COP1: variants seen among roughly 807,000 people sequenced by gnomAD.
The protein encoded by COP1 is E3 ubiquitin-protein ligase COP1.
In COP1, 24 loss-of-function variants were observed where a neutral mutation model predicts 101.3. That is an observed-to-expected ratio of 0.24 (90% CI 0.17 to 0.33). The LOEUF (loss-of-function observed/expected upper bound fraction) is 0.33. Ranked by LOEUF, COP1 falls within the 10% of genes least tolerant of loss-of-function variation. The pLI, the probability that COP1 is intolerant of heterozygous loss-of-function variation, is 1.00. For missense variants in COP1, 663 were observed against 906.2 expected (o/e 0.73, Z 3.45); for synonymous variants, 347 against 341.9 (o/e 1.01, Z -0.17).
chr1:175,975,279 C>T (rs1477683926), intron 18 of COP1, among the ~76,000 whole-genome samples: 2 of 152,120 alleles, frequency 1.3e-5, no homozygotes, highest in Non-Finnish European at 2.9e-5. Flanking sequence ...AAAACCTTCC[C>T]CACTCCCACC....
At chr1:176,003,080 T>C (rs1662148583) in intron 15 of COP1, among the ~76,000 whole-genome samples, 3 of 151,868 alleles carry the variant, frequency 2.0e-5, no homozygotes, top group Admixed American at 2.0e-4. Flanking sequence ...CTCATTGTGG[T>C]TTTGATTTGC....
intron 18 of COP1, among the ~76,000 whole-genome samples, chr1:175,981,867 A>C (rs1228300412): frequency 1.3e-5 from 2 of 152,160 alleles, no homozygotes; most frequent in East Asian, 1.9e-4. Flanking sequence ...TACAAATAAC[A>C]AACAGGTATA....
chr1:176,139,485 A>G (rs1385344003), intron 6 of COP1, among the ~76,000 whole-genome samples: 1 of 152,128 alleles, frequency 6.6e-6, no homozygotes, highest in African/African-American at 2.4e-5. Flanking sequence ...AAGAAAATAA[A>G]TCATTCTCCC....
intron 14 of COP1, among the ~76,000 whole-genome samples, chr1:176,033,100 C>T (rs530504500): frequency 6.6e-6 from 1 of 152,236 alleles, no homozygotes; most frequent in South Asian, 2.1e-4. Context: ...TGTGCATTAA[C>T]TTATGCAACT....
intron 18 of COP1, among the ~76,000 whole-genome samples, chr1:175,955,787 C>CACACACACACACACACACACACAA: frequency 6.6e-6 from 1 of 151,558 alleles, no homozygotes; most frequent in Middle Eastern, 3.4e-3. Flanking sequence ...CACACACACA[C>CACACACACACACACACACACACAA]ACACACACAC....
intron 15 of COP1, among the ~76,000 whole-genome samples, chr1:176,001,453 C>T (rs886671611): frequency 6.6e-6 from 1 of 152,074 alleles, no homozygotes; most frequent in Non-Finnish European, 1.5e-5. Flanking sequence ...AAACAGAATG[C>T]TATGGACAGA....
intron 9 of COP1, among the ~76,000 whole-genome samples, chr1:176,091,567 T>C (rs1681316640): frequency 6.6e-6 from 1 of 151,788 alleles, no homozygotes; most frequent in Non-Finnish European, 1.5e-5. Flanking sequence ...CAGAAGAAAG[T>C]GAAAAAAGTT....
intron 18 of COP1, among the ~76,000 whole-genome samples, chr1:175,962,104 AATAG>A (rs143254498): frequency 0.037 from 5,564 of 152,236 alleles, 155 homozygotes; most frequent in Non-Finnish European, 0.059. Flanking sequence ...TTATGCAAAA[AATAG>A]ATAGGAGCAG....
chr1:176,120,819 A>G (rs769033051), intron 8 of COP1, among the ~76,000 whole-genome samples: 2 of 152,214 alleles, frequency 1.3e-5, no homozygotes, highest in Non-Finnish European at 2.9e-5. Context: ...AGGCATATTG[A>G]TTTTAGACTA....
chr1:176,054,999 A>T (rs1363648755), intron 11 of COP1, among the ~76,000 whole-genome samples: 1 of 152,178 alleles, frequency 6.6e-6, no homozygotes, highest in Non-Finnish European at 1.5e-5. Flanking sequence ...TCAACTCCGA[A>T]TTCTGACCTT....
intron 9 of COP1, among the ~76,000 whole-genome samples, chr1:176,099,729 C>A (rs907522236): frequency 3.3e-5 from 5 of 152,150 alleles, no homozygotes. Flanking sequence ...ACTTGCAGAG[C>A]CAATAAAAGC....
At chr1:176,089,327 A>AACAACT (rs1558085392) in intron 9 of COP1, among the ~76,000 whole-genome samples, 2 of 151,760 alleles carry the variant, frequency 1.3e-5, no homozygotes, top group African/African-American at 4.9e-5. Context: ...CAACAACAAC[A>AACAACT]ATCTATTTAA....
intron 6 of COP1, among the ~76,000 whole-genome samples, chr1:176,147,795 G>GA (rs1691790434): frequency 6.6e-6 from 1 of 152,174 alleles, no homozygotes; most frequent in African/African-American, 2.4e-5. Flanking sequence ...TCACACGGAA[G>GA]AATTAATGTT....
intron 9 of COP1, among the ~76,000 whole-genome samples, chr1:176,098,902 C>T (rs1373145955): frequency 6.6e-6 from 1 of 152,140 alleles, no homozygotes; most frequent in East Asian, 1.9e-4. Context: ...GAGGGGTAAA[C>T]AGAACACGTT....
rs755667519 is a variant in COP1, at chr1:176,043,228, T to C, written c.1570A>G (p.Met524Val). 1 of 1,613,052 alleles carries C rather than the reference T, an allele frequency of 6.2e-7. No homozygotes were observed. Among genetic ancestry groups the C allele is most frequent in the Non-Finnish European group, 8.5e-7 (1 of 1,179,378 alleles). Residue 524 changes from methionine (M) to valine (V), a missense_variant, in exon 14 of 20, where the codon ATG becomes GTG. By Grantham distance (21) the Met-to-Val change is conservative (BLOSUM62 1). Transcript: ENST00000367669. ...CCTGAAGCCAAGAGTTTAGGATCCA[T>C]CAAATTAAAGTCAACACTCCAACAC... ...KRCWSVDFNL[M>V]DPKLLASGSD...
intron 3 of COP1, among the ~76,000 whole-genome samples, chr1:176,165,360 T>TGGTGTGTGTGTGTG (rs1558240408): frequency 9.6e-6 from 1 of 104,304 alleles, no homozygotes; most frequent in African/African-American, 3.4e-5. Flanking sequence ...GAGATGTGTG[T>TGGTGTGTGTGTGTG]CGTGTGTGTG....
intron 18 of COP1, among the ~76,000 whole-genome samples, chr1:175,950,848 C>T (rs147888828): frequency 3.3e-5 from 5 of 152,168 alleles, no homozygotes; most frequent in Non-Finnish European, 7.3e-5. Context: ...CTAACTTATA[C>T]CAAAACATTT....
At chr1:176,202,227 T>C (rs542981897) in intron 1 of COP1, among the ~76,000 whole-genome samples, 31 of 147,896 alleles carry the variant, frequency 2.1e-4, no homozygotes, top group Non-Finnish European at 4.2e-4. Context: ...TCTCACTTTG[T>C]CGTCCAGGCT....
chr1:175,946,892 T>C (rs888053604), intron 19 of COP1, among the ~76,000 whole-genome samples: 2 of 152,242 alleles, frequency 1.3e-5, no homozygotes, highest in Non-Finnish European at 2.9e-5. Flanking sequence ...GGGAGAGTTG[T>C]ACTGGCATAA....
Sources: allele counts gnomAD v4.1 joint callset (sites outside exome capture counted in the v4.1 genomes callset), GRCh38; gene constraint gnomAD v4.1.1; transcripts MANE v1.5; gene names NCBI Gene and HGNC (gene_info 2026-07-23, HGNC 2026-07-21).